The following RHBDD1 variants were observed in gnomAD, a reference collection of about 807,000 sequenced individuals.
RHBDD1 encodes rhomboid domain containing 1, also known as rhomboid-related protein 4.
A neutral mutation model predicts 36.3 loss-of-function variants in RHBDD1; 38 were observed. The ratio of observed to expected loss-of-function variants is 1.05; its 90% CI spans 0.81 to 1.37. The LOEUF is 1.37. Among genes scored for constraint, RHBDD1 ranks in the 40% most tolerant of loss-of-function variants. RHBDD1 has a pLI of 0.00. For missense variants in RHBDD1, 393 were observed against 377.6 expected (o/e 1.04, Z -0.34); for synonymous variants, 151 against 136.5 (o/e 1.11, Z -0.74).
At chr2:226,915,276 G>A (rs780648867) in intron 8 of RHBDD1, among the ~76,000 whole-genome samples, 8 of 151,952 alleles carry the variant, frequency 5.3e-5, no homozygotes, top group Non-Finnish European at 8.8e-5. Flanking sequence ...AACTTGAAGA[G>A]CTGTGGACGG....
chr2:226,967,108 T>G (rs1366668118), intron 8 of RHBDD1, among the ~76,000 whole-genome samples: 1 of 152,208 alleles, frequency 6.6e-6, no homozygotes, highest in Non-Finnish European at 1.5e-5. Flanking sequence ...CTGGAAATCA[T>G]CTGAGAACCT....
At chr2:226,926,313 A>AC (rs1949668984) in intron 8 of RHBDD1, among the ~76,000 whole-genome samples, 1 of 151,990 alleles carries the variant, frequency 6.6e-6, no homozygotes, top group Non-Finnish European at 1.5e-5. Flanking sequence ...CCCTAGTAAC[A>AC]CCTACCATTT....
intron 8 of RHBDD1, among the ~76,000 whole-genome samples, chr2:226,993,533 T>C (rs753782146): frequency 6.6e-6 from 1 of 152,240 alleles, no homozygotes; most frequent in Non-Finnish European, 1.5e-5. Context: ...AATATGTAAT[T>C]TCAAAGCATT....
chr2:226,813,994 A>G, the RHBDD1 span, among the ~76,000 whole-genome samples: 1 of 152,174 alleles, frequency 6.6e-6, no homozygotes, highest in African/African-American at 2.4e-5. Context: ...CACCAGATAT[A>G]CTTTCTATTT....
intron 3 of RHBDD1, among the ~76,000 whole-genome samples, chr2:226,849,409 C>T (rs1942565721): frequency 6.6e-6 from 1 of 152,218 alleles, no homozygotes; most frequent in African/African-American, 2.4e-5. Flanking sequence ...GGGAGCTTGT[C>T]AGGAGGGAGT....
the RHBDD1 span, among the ~76,000 whole-genome samples, chr2:226,829,171 T>C: frequency 1.3e-5 from 2 of 152,224 alleles, no homozygotes; most frequent in East Asian, 3.8e-4. Flanking sequence ...CTTAGCAATT[T>C]TGTTGAAAAT....
intron 3 of RHBDD1, among the ~76,000 whole-genome samples, 167 bp from the exon 4 acceptor site, chr2:226,864,437 G>A (rs1944142350): frequency 6.6e-6 from 1 of 152,076 alleles, no homozygotes; most frequent in African/African-American, 2.4e-5. Flanking sequence ...ATGAAGGAAG[G>A]GTGTCAGTCA....
chr2:226,934,022 C>T (rs1413178491), intron 8 of RHBDD1, among the ~76,000 whole-genome samples: 1 of 151,994 alleles, frequency 6.6e-6, no homozygotes, highest in African/African-American at 2.4e-5. Context: ...TTTGAAAAGA[C>T]CCACTAACAA....
chr2:226,814,960 A>AT, the RHBDD1 span, among the ~76,000 whole-genome samples: 8 of 152,162 alleles, frequency 5.3e-5, no homozygotes, highest in Non-Finnish European at 1.2e-4. Flanking sequence ...GCACCCAGCA[A>AT]GTGGCAAAAT....
At chr2:226,969,329 A>T (rs1447191306) in intron 8 of RHBDD1, among the ~76,000 whole-genome samples, 4 of 151,068 alleles carry the variant, frequency 2.6e-5, no homozygotes, top group African/African-American at 9.7e-5. Flanking sequence ...ATCCCTGTAT[A>T]TAAGTCTGTG....
intron 8 of RHBDD1, among the ~76,000 whole-genome samples, chr2:226,955,729 C>T (rs2149242908): frequency 6.6e-6 from 1 of 152,358 alleles, no homozygotes; most frequent in East Asian, 1.9e-4. Flanking sequence ...TCACTGTGTC[C>T]TCACTTGGCC....
intron 8 of RHBDD1, among the ~76,000 whole-genome samples, chr2:226,991,012 A>G (rs1158087261): frequency 6.6e-6 from 1 of 152,208 alleles, no homozygotes; most frequent in Non-Finnish European, 1.5e-5. Context: ...AGGCTCCTTC[A>G]TGTGACAAAA....
rs539346134 is a variant in RHBDD1 at position 226,962,447 on chromosome 2, T to C, written c.857-32984T>C. Among the ~76,000 whole-genome samples the C allele has an allele frequency of 1.5e-4, 23 of 152,360 alleles. No individual in the cohort carries two copies. The South Asian group carries it at 1.7e-3, about 11-fold the overall frequency. ...CAAGTAATTAGCCCTGACAGAACTG[T>C]GAAAAGGAGACCCATTCATAAATTT... On this transcript the variant is annotated intron_variant, in intron 8 of 8. Transcript: ENST00000392062.
At position 226,943,411 on chromosome 2, in the gene RHBDD1, C is replaced by T. The variant is rs769293389; in HGVS notation, c.856+29060C>T. ...TGAGGTGACTCTTGAATCATTGCAT[C>T]GGGATTCTTTACAGATCAAACCAGA... On this transcript the variant is annotated intron_variant, in intron 8 of 8. Transcript: ENST00000392062. 3.9e-5 allele frequency among the ~76,000 whole-genome samples: 6 copies of T among 152,164 alleles called. 1 individual carries two copies. Among genetic ancestry groups the T allele is most frequent in the South Asian group, 4.1e-4 (2 of 4,826 alleles).
chr2:226,817,982 T>C, the RHBDD1 span, among the ~76,000 whole-genome samples: 2 of 152,122 alleles, frequency 1.3e-5, no homozygotes, highest in Non-Finnish European at 2.9e-5. Context: ...CTTAACTGCA[T>C]TGTTAAGGTT....
chr2:226,971,443 C>G (rs1027544800), intron 8 of RHBDD1, among the ~76,000 whole-genome samples: 4 of 152,190 alleles, frequency 2.6e-5, no homozygotes, highest in African/African-American at 7.2e-5. Flanking sequence ...AAGTGTGTTC[C>G]TCCCCATTTC....
intron 5 of RHBDD1, among the ~76,000 whole-genome samples, chr2:226,888,801 A>G (rs552641566): frequency 1.3e-5 from 2 of 152,214 alleles, no homozygotes; most frequent in African/African-American, 4.8e-5. Flanking sequence ...GTTTTCCTCA[A>G]TCAGGTATTT....
chr2:226,871,798 T>C (rs1944820697), intron 5 of RHBDD1, among the ~76,000 whole-genome samples: 1 of 152,236 alleles, frequency 6.6e-6, no homozygotes, highest in Non-Finnish European at 1.5e-5. Flanking sequence ...GGATGATACA[T>C]GTTGCATTAC....
At chr2:226,972,929 CAAA>C (rs11320469) in intron 8 of RHBDD1, among the ~76,000 whole-genome samples, 18 of 127,006 alleles carry the variant, frequency 1.4e-4, no homozygotes, top group Admixed American at 1.6e-4. Flanking sequence ...AAGCCTGTAG[CAAA>C]AAAAAAAAAA....
Sources: allele counts gnomAD v4.1 joint callset (sites outside exome capture counted in the v4.1 genomes callset), GRCh38; gene constraint gnomAD v4.1.1; transcripts MANE v1.5; gene names NCBI Gene and HGNC (gene_info 2026-07-23, HGNC 2026-07-21).